The following CDH13 variants were observed in gnomAD, a reference collection of about 807,000 sequenced individuals.
The protein encoded by CDH13 is cadherin 13, also known as cadherin-13.
Under a neutral mutation model 63.8 loss-of-function variants are expected in CDH13, and 24 were observed. The observed-to-expected ratio is 0.38, with a 90% CI of 0.27 to 0.53. The LOEUF is 0.53. CDH13 is among the 20% of genes least tolerant of loss of function. The pLI is 0.85. For missense variants in CDH13, 1,049 were observed against 903.1 expected (o/e 1.16, Z -2.07); for synonymous variants, 503 against 355.3 (o/e 1.42, Z -4.67).
chr16:83,295,737 A>G (rs1196965962), intron 5 of CDH13, among the ~76,000 whole-genome samples: 1 of 152,176 alleles, frequency 6.6e-6, no homozygotes, highest in Non-Finnish European at 1.5e-5. Context: ...ATGTAAGTAC[A>G]GCTATAATGG....
intron 2 of CDH13, among the ~76,000 whole-genome samples, chr16:82,912,183 C>G (rs1295653323): frequency 6.6e-6 from 1 of 151,672 alleles, no homozygotes; most frequent in Non-Finnish European, 1.5e-5. Flanking sequence ...CTCTTCTTGT[C>G]TGTGTCCTTC....
In CDH13 at chr16:83,653,340, A is replaced by G. The variant is rs1349119754; in HGVS notation, c.1102-17450A>G. Among the ~76,000 whole-genome samples the G allele has an allele frequency of 3.9e-5, 6 of 152,342 alleles. No homozygotes were observed. The East Asian group carries it at 1.2e-3, about 29-fold the overall frequency. ...CGCAATAAAACTGTTAGCAAAGAAA[A>G]AACTGCATAGCACCATGTCTAAAGA... On this transcript the variant is annotated intron_variant, in intron 8 of 13. Transcript: ENST00000567109.
At chr16:83,275,363 T>C (rs1464056144) in intron 5 of CDH13, among the ~76,000 whole-genome samples, 1 of 152,244 alleles carries the variant, frequency 6.6e-6, no homozygotes, top group Non-Finnish European at 1.5e-5. Context: ...GTCCACCTAA[T>C]AGAAAGGCAA....
Position 82,644,325 on chromosome 16 carries a change from C to T in CDH13, c.45+17188C>T, listed in dbSNP as rs1266500600. On this transcript the variant is annotated intron_variant, in intron 1 of 13. Coordinates refer to ENST00000567109, the MANE Select transcript of CDH13 (RefSeq NM_001257.5). This position sits in a 1 kb window ranked among gnomAD's most constrained non-coding sequence, Gnocchi z 5.7. The stretch of plus-strand genomic sequence containing the variant: ...GCAAATCAAGGCCCCCCGAACTCCT[C>T]CCACCCCTGCCTTCTGCGTCTCCCT... Among the ~76,000 whole-genome samples, 1 of 152,094 alleles carries T rather than the reference C, an allele frequency of 6.6e-6. No homozygotes were observed. Among genetic ancestry groups the T allele is most frequent in the Non-Finnish European group, 1.5e-5 (1 of 68,012 alleles).
At chr16:82,728,908 T>G (rs1017935930) in intron 1 of CDH13, among the ~76,000 whole-genome samples, 3 of 152,208 alleles carry the variant, frequency 2.0e-5, no homozygotes, top group African/African-American at 7.2e-5. Context: ...AATCTTTTGT[T>G]GTCATTTCAA....
chr16:83,273,824 C>G (rs138820859), intron 5 of CDH13, among the ~76,000 whole-genome samples: 36 of 152,258 alleles, frequency 2.4e-4, no homozygotes, highest in East Asian at 7.7e-4. Context: ...TCTCCACAAG[C>G]AACATGTAAG....
chr16:82,699,867 A>C (rs1207555402), intron 1 of CDH13, among the ~76,000 whole-genome samples: 1 of 152,250 alleles, frequency 6.6e-6, no homozygotes, highest in Non-Finnish European at 1.5e-5. Context: ...CAGCTTATGA[A>C]GGTCCACATG....
intron 6 of CDH13, among the ~76,000 whole-genome samples, chr16:83,370,568 G>A (rs1487347564): frequency 6.6e-6 from 1 of 152,076 alleles, no homozygotes; most frequent in East Asian, 1.9e-4. Context: ...CATCACCCAG[G>A]TAATAAGCAT....
At chr16:83,456,427 A>G (rs530769775) in intron 6 of CDH13, among the ~76,000 whole-genome samples, 2 of 152,302 alleles carry the variant, frequency 1.3e-5, no homozygotes, top group East Asian at 3.9e-4. Flanking sequence ...AAGTTACCTG[A>G]GGGGTCAGTT....
At chr16:82,791,208 G>C (rs1212638138) in intron 1 of CDH13, among the ~76,000 whole-genome samples, 1 of 139,052 alleles carries the variant, frequency 7.2e-6, no homozygotes, top group Non-Finnish European at 1.5e-5. Flanking sequence ...CTGCACTCCA[G>C]CCTGGGCGAC....
At chr16:83,040,580 G>A (rs1047982094) in intron 3 of CDH13, among the ~76,000 whole-genome samples, 1 of 152,172 alleles carries the variant, frequency 6.6e-6, no homozygotes, top group South Asian at 2.1e-4. Context: ...CAGCCAGTCT[G>A]CTCTTTCCAT....
At chr16:82,792,580 A>T (rs2036368218) in intron 1 of CDH13, among the ~76,000 whole-genome samples, 1 of 152,112 alleles carries the variant, frequency 6.6e-6, no homozygotes, top group African/African-American at 2.4e-5. Context: ...AAGGCCCCCT[A>T]GATAGAAGGC....
chr16:82,844,834 T>G (rs2039192994), intron 1 of CDH13: 1 of 151,132 alleles, frequency 6.6e-6, no homozygotes, highest in Non-Finnish European at 1.5e-5. Flanking sequence ...TTTTTGTATC[T>G]TTAGTGGAGA....
At chr16:83,743,818 A>G (rs3784980) in intron 10 of CDH13, among the ~76,000 whole-genome samples, 2,475 of 138,812 alleles carry the variant, frequency 0.018, 79 homozygotes, top group East Asian at 0.17. Flanking sequence ...GAAAAGATGT[A>G]ATAAACCTTT....
intron 8 of CDH13, among the ~76,000 whole-genome samples, chr16:83,653,121 C>T (rs529385776): frequency 5.9e-4 from 90 of 152,106 alleles, no homozygotes; most frequent in Middle Eastern, 6.8e-3. Flanking sequence ...GACAGAAAGC[C>T]AATTAGTGGT....
At chr16:83,748,277 G>C (rs747594005) in intron 11 of CDH13, 27 bp downstream of exon 11, 4 of 1,562,166 alleles carry the variant, frequency 2.6e-6, no homozygotes, top group Admixed American at 1.8e-5. Context: ...GACCATCAAG[G>C]GTATACTTTT....
intron 1 of CDH13, among the ~76,000 whole-genome samples, chr16:82,842,232 C>G (rs953846366): frequency 1.3e-4 from 19 of 148,200 alleles, no homozygotes; most frequent in African/African-American, 4.3e-4. Context: ...AAATTCTTGC[C>G]TTTTAAAAAG....
intron 1 of CDH13, among the ~76,000 whole-genome samples, chr16:82,693,467 C>G (rs775354629): frequency 6.6e-6 from 1 of 152,154 alleles, no homozygotes; most frequent in Non-Finnish European, 1.5e-5. Flanking sequence ...AGCTTGCGAC[C>G]TAAACATTTA....
intron 2 of CDH13, among the ~76,000 whole-genome samples, chr16:82,966,545 G>A (rs1484864104): frequency 1.3e-5 from 2 of 152,134 alleles, no homozygotes; most frequent in Non-Finnish European, 2.9e-5. Flanking sequence ...CAAACATTCC[G>A]ATCCAGATTG....
Sources: allele counts gnomAD v4.1 joint callset (sites outside exome capture counted in the v4.1 genomes callset), GRCh38; gene constraint gnomAD v4.1.1; non-coding constraint Gnocchi (gnomAD v3.1); transcripts MANE v1.5; gene names NCBI Gene and HGNC (gene_info 2026-07-23, HGNC 2026-07-21).